The following MMP26 variants were observed in gnomAD, a reference collection of about 807,000 sequenced individuals.
MMP26 encodes matrix metalloproteinase-26.
In MMP26, 33 loss-of-function variants were observed where a neutral mutation model predicts 31.0. The observed-to-expected ratio is 1.06, with a 90% CI of 0.81 to 1.42. MMP26 has a LOEUF of 1.42. MMP26 is among the 40% of genes most tolerant of loss of function. MMP26 has a pLI of 0.00. For synonymous variants in MMP26, 122 were observed against 114.9 expected (o/e 1.06, Z -0.40); for missense variants, 347 against 316.1 (o/e 1.10, Z -0.74).
chr11:4,812,000 C>A (rs1285876714), intron 2 of MMP26, among the ~76,000 whole-genome samples: 1 of 152,138 alleles, frequency 6.6e-6, no homozygotes, highest in East Asian at 1.9e-4. Context: ...TGTCGAAGCC[C>A]AGTTTCCACT....
intron 2 of MMP26, among the ~76,000 whole-genome samples, chr11:4,910,978 C>T (rs1002195922): frequency 1.3e-5 from 2 of 152,124 alleles, no homozygotes; most frequent in Admixed American, 1.3e-4. Context: ...TACAATCATG[C>T]CAGGCCTAAA....
chr11:4,842,778 T>A lies in MMP26; in HGVS notation c.-145+75437T>A, dbSNP rs549390839. ...CCAAAGTCTTAAATCATTCCAGCAT[T>A]AACTCAAATCTCCAAGTCCAAAGTC... On this transcript the variant is annotated intron_variant, in intron 2 of 7. Transcript: ENST00000380390. Among the ~76,000 whole-genome samples the A allele has an allele frequency of 9.9e-5, 15 of 152,236 alleles. 1 individual carries two copies. The highest frequency in any genetic ancestry group is 9.2e-4 in the Admixed American group (14 of 15,290).
chr11:4,754,797 C>T (rs1326676810), intron 1 of MMP26, among the ~76,000 whole-genome samples: 1 of 151,816 alleles, frequency 6.6e-6, no homozygotes, highest in African/African-American at 2.4e-5. Flanking sequence ...AGCTTTTATC[C>T]TCTTTTCAGA....
At chr11:4,946,033 A>T (rs1434982138) in intron 2 of MMP26, 2 of 860,894 alleles carry the variant, frequency 2.3e-6, no homozygotes, top group East Asian at 5.2e-5. Context: ...ATCCAGAGTG[A>T]ATAAAATAAC....
chr11:4,734,460 A>G (rs147999986), intron 1 of MMP26, among the ~76,000 whole-genome samples: 249 of 151,722 alleles, frequency 1.6e-3, no homozygotes, highest in South Asian at 0.01. Flanking sequence ...TTTTTCCTCA[A>G]TGTCTTAAAA....
At chr11:4,835,488 G>A (rs1469985665) in intron 2 of MMP26, among the ~76,000 whole-genome samples, 1 of 152,108 alleles carries the variant, frequency 6.6e-6, no homozygotes, top group African/African-American at 2.4e-5. Flanking sequence ...ATCCTAGACT[G>A]GCCGGGGGTA....
At chr11:4,768,520 G>A (rs563190785) in intron 2 of MMP26, among the ~76,000 whole-genome samples, 1 of 152,260 alleles carries the variant, frequency 6.6e-6, no homozygotes, top group African/African-American at 2.4e-5. Flanking sequence ...GAAGAGCATA[G>A]CATTTGAGAT....
At chr11:4,927,511 A>T (rs1465322047) in intron 2 of MMP26, among the ~76,000 whole-genome samples, 2 of 152,168 alleles carry the variant, frequency 1.3e-5, no homozygotes, top group African/African-American at 4.8e-5. Context: ...CTTGACTGAC[A>T]TGATGAGGGG....
intron 2 of MMP26, among the ~76,000 whole-genome samples, chr11:4,893,002 A>C (rs371806683): frequency 2.0e-5 from 3 of 152,092 alleles, no homozygotes; most frequent in East Asian, 3.9e-4. Context: ...CGGCTTTGGA[A>C]GATTTTGAAA....
intron 1 of MMP26, among the ~76,000 whole-genome samples, chr11:4,740,545 T>C (rs976247447): frequency 2.0e-5 from 3 of 151,954 alleles, no homozygotes; most frequent in Non-Finnish European, 2.9e-5. Context: ...TAGCTGGGCA[T>C]GAGGGTGGGC....
At chr11:4,722,457 C>T (rs930871365) in intron 1 of MMP26, among the ~76,000 whole-genome samples, 3 of 129,812 alleles carry the variant, frequency 2.3e-5, no homozygotes, top group Non-Finnish European at 4.8e-5. Flanking sequence ...CCACCTAAGG[C>T]GTGAAGTAAT....
At chr11:4,801,154 C>G (rs7943645) in intron 2 of MMP26, among the ~76,000 whole-genome samples, 2,244 of 152,280 alleles carry the variant, frequency 0.015, 61 homozygotes, top group African/African-American at 0.051. Flanking sequence ...TTTCCCTTGT[C>G]TTCCTGTCTT....
intron 1 of MMP26, among the ~76,000 whole-genome samples, chr11:4,750,068 T>C (rs934955432): frequency 6.6e-6 from 1 of 151,908 alleles, no homozygotes; most frequent in African/African-American, 2.4e-5. Context: ...CTACGAGGAA[T>C]TCAAACATCT....
At chr11:4,726,952 G>A (rs1178161036) in intron 1 of MMP26, among the ~76,000 whole-genome samples, 1 of 152,142 alleles carries the variant, frequency 6.6e-6, no homozygotes, top group African/African-American at 2.4e-5. Flanking sequence ...GGAATTTGAG[G>A]TTGCCGTGAA....
chr11:4,822,062 C>G, intron 2 of MMP26: 2 of 1,613,828 alleles, frequency 1.2e-6, no homozygotes, highest in Non-Finnish European at 1.7e-6. Flanking sequence ...TTTGACTGCC[C>G]TTGCATCCTG....
At chr11:4,866,963 C>T (rs1483230613) in intron 2 of MMP26, among the ~76,000 whole-genome samples, 1 of 152,068 alleles carries the variant, frequency 6.6e-6, no homozygotes, top group Non-Finnish European at 1.5e-5. Context: ...AAATGTAAAG[C>T]CCCAAATTTA....
At chr11:4,851,634 T>C (rs1849976860) in intron 2 of MMP26, among the ~76,000 whole-genome samples, 1 of 151,918 alleles carries the variant, frequency 6.6e-6, no homozygotes, top group African/African-American at 2.4e-5. Flanking sequence ...TATATATGTG[T>C]GTGTCTGTAT....
At chr11:4,715,646 G>A (rs554709714) in intron 1 of MMP26, among the ~76,000 whole-genome samples, 46 of 152,210 alleles carry the variant, frequency 3.0e-4, no homozygotes, top group African/African-American at 1.0e-3. Context: ...TAATAAAACT[G>A]GAAGATAAAT....
intron 2 of MMP26, among the ~76,000 whole-genome samples, chr11:4,791,420 C>A (rs1246026010): frequency 6.6e-6 from 1 of 152,028 alleles, no homozygotes; most frequent in South Asian, 2.1e-4. Flanking sequence ...TAGTTGTGCC[C>A]GAACCTTGAT....
Sources: gnomAD v4.1 joint callset for allele counts (sites outside exome capture counted in the v4.1 genomes callset) on GRCh38, gnomAD v4.1.1 for gene constraint, MANE v1.5 for transcripts, NCBI Gene and HGNC (gene_info 2026-07-23, HGNC 2026-07-21) for gene names.